Variants in TMEM63A observed in about 807,000 individuals in gnomAD.
TMEM63A encodes the protein mechanosensitive cation channel TMEM63A.
A neutral mutation model predicts 100.6 loss-of-function variants in TMEM63A; 76 were observed. That is an observed-to-expected ratio of 0.76 (90% CI 0.63 to 0.91). TMEM63A has a LOEUF of 0.91. TMEM63A is among the 40% of genes least tolerant of loss of function. The pLI, the probability that TMEM63A is intolerant of heterozygous loss-of-function variation, is 0.00. For synonymous variants in TMEM63A, 401 were observed against 401.1 expected (o/e 1.00, Z 0.00); for missense variants, 876 against 1,008.8 (o/e 0.87, Z 1.78).
chr1:225,870,995 T>C, intron 6 of TMEM63A, 81 bp downstream of exon 6: 1 of 1,428,526 alleles, frequency 7.0e-7, no homozygotes, highest in South Asian at 1.1e-5. Context: ...TCAAGCATCT[T>C]GGCTCTTGCC....
chr1:225,852,443 G>A lies in TMEM63A; in HGVS notation c.1903+221C>T, dbSNP rs1024563516. On this transcript the variant is annotated intron_variant, in intron 20 of 24. Transcript: ENST00000366835. ...GGGGGTTGCAGTAAGCCAAGATCAT[G>A]CCACTCCAGCCTGGGCATCAGCATG... Among the ~76,000 whole-genome samples, 3 of 152,186 alleles carry A rather than the reference G, an allele frequency of 2.0e-5. No homozygotes were observed. The South Asian group carries it at 6.2e-4, about 31-fold the overall frequency.
intron 9 of TMEM63A, 59 bp from the exon 10 acceptor site, chr1:225,866,026 C>A: frequency 1.3e-6 from 2 of 1,571,904 alleles, no homozygotes; most frequent in South Asian, 1.1e-5. Context: ...CCGGTATGCT[C>A]AGGTTTCCTA....
In TMEM63A at chr1:225,857,390, G is replaced by T. The variant is rs938270074; in HGVS notation, c.1378-373C>A. 7.0e-4 allele frequency among the ~76,000 whole-genome samples: 97 copies of T among 137,872 alleles called. 7 individuals are homozygous for T. The highest frequency in any genetic ancestry group is 2.3e-3 in the African/African-American group (83 of 36,554). 90.4% of individuals were successfully genotyped at this position (137,872 alleles called of 152,430 possible). A position where few individuals can be genotyped will look rare whatever the true frequency, so the allele number is the denominator to read the frequency against. On this transcript the variant is annotated intron_variant, in intron 15 of 24. Transcript: ENST00000366835. ...GGAGTCCTGGCCGGCGGGGCGGGGG[G>T]GGGGGGGTGCCCTGCCTGCTCAGCT... is the stretch of plus-strand genomic sequence containing the variant.
chr1:225,856,323 G>C (rs1310963344), intron 17 of TMEM63A, among the ~76,000 whole-genome samples: 1 of 134,274 alleles, frequency 7.4e-6, no homozygotes, highest in Non-Finnish European at 1.5e-5. Flanking sequence ...AAATTTTCAA[G>C]CTGGTTTTTT....
At chr1:225,871,727 G>T in intron 5 of TMEM63A, 1 of 462,932 alleles carries the variant, frequency 2.2e-6, no homozygotes, top group Non-Finnish European at 3.8e-6. Flanking sequence ...CAAAGCCATA[G>T]GTGTAAGAGA....
intron 1 of TMEM63A, among the ~76,000 whole-genome samples, chr1:225,881,709 C>T (rs1167236690): frequency 6.6e-6 from 1 of 152,224 alleles, no homozygotes; most frequent in African/African-American, 2.4e-5. Context: ...AAGGCCCCTC[C>T]AGGGCCTCAG....
At chr1:225,866,401 CTGTTTTT>C in intron 9 of TMEM63A, 166 bp downstream of exon 9, 1 of 600,694 alleles carries the variant, frequency 1.7e-6, no homozygotes, top group Non-Finnish European at 2.9e-6. Flanking sequence ...CACCAGGAAA[CTGTTTTT>C]TTTAAAGATG....
At chr1:225,854,250 T>G (rs1038426188) in intron 18 of TMEM63A, among the ~76,000 whole-genome samples, 2 of 152,170 alleles carry the variant, frequency 1.3e-5, no homozygotes, top group African/African-American at 4.8e-5. Context: ...CCTCGTCTGC[T>G]GCACATCCAG....
chr1:225,878,026 C>G (rs1041415843), intron 2 of TMEM63A, among the ~76,000 whole-genome samples: 6 of 152,114 alleles, frequency 3.9e-5, no homozygotes, highest in African/African-American at 1.2e-4. Context: ...CACACAAAGG[C>G]AGGAAGAGGA....
chr1:225,873,314 G>A (rs919802680), intron 4 of TMEM63A, among the ~76,000 whole-genome samples: 1 of 152,154 alleles, frequency 6.6e-6, no homozygotes, highest in East Asian at 1.9e-4. Flanking sequence ...AACAGTCCAA[G>A]GTCATCATCA....
intron 22 of TMEM63A, 45 bp downstream of exon 22, chr1:225,848,852 G>A (rs1222769016): frequency 1.2e-5 from 18 of 1,466,682 alleles, no homozygotes; most frequent in East Asian, 4.8e-5. Context: ...CCCACCATCT[G>A]TTCCTCCCAG....
At chr1:225,863,040 A>G (rs571365709) in intron 10 of TMEM63A, 189 bp from the exon 11 acceptor site, 2 of 612,488 alleles carry the variant, frequency 3.3e-6, no homozygotes. Context: ...ATTTAATACA[A>G]AGAGGGCTTT....
intron 2 of TMEM63A, among the ~76,000 whole-genome samples, chr1:225,878,670 G>GT (rs1272647737): frequency 6.6e-6 from 1 of 152,164 alleles, no homozygotes; most frequent in Non-Finnish European, 1.5e-5. Flanking sequence ...CCCAAATCTG[G>GT]TAAATCTAGA....
intron 4 of TMEM63A, among the ~76,000 whole-genome samples, chr1:225,872,618 A>G (rs1035240869): frequency 4.0e-5 from 6 of 151,030 alleles, no homozygotes; most frequent in Admixed American, 3.3e-4. Context: ...TCTTGCGAGT[A>G]CCCCCATAAA....
chr1:225,869,985 GT>G (rs1376875070), intron 6 of TMEM63A, among the ~76,000 whole-genome samples: 1 of 151,990 alleles, frequency 6.6e-6, no homozygotes, highest in Non-Finnish European at 1.5e-5. Context: ...CTGAAATGAG[GT>G]GTACGCTATC....
intron 3 of TMEM63A, among the ~76,000 whole-genome samples, chr1:225,876,325 C>G (rs924786832): frequency 1.3e-4 from 20 of 151,810 alleles, no homozygotes; most frequent in Admixed American, 1.3e-3. Flanking sequence ...CTACCCTAAG[C>G]CACCCTCCCC....
intron 6 of TMEM63A, among the ~76,000 whole-genome samples, chr1:225,869,169 GCCTCTGA>G (rs1670367922): frequency 6.6e-6 from 1 of 152,186 alleles, no homozygotes; most frequent in Non-Finnish European, 1.5e-5. Flanking sequence ...GAGCTTACCC[GCCTCTGA>G]CCTCGAGCAA....
At position 225,846,361 on chromosome 1, in the gene TMEM63A, G is replaced by C. The variant is rs1007139850; in HGVS notation, c.*578C>G. On this transcript the variant is annotated 3_prime_UTR_variant, in exon 25 of 25. Transcript: ENST00000366835. ...TCCCTGCCTGCTATGGGGTAACCCTGACCCAGCTAGCGTCCCTGACAACAT... is the reference window on the plus strand; with the variant it reads ...TCCCTGCCTGCTATGGGGTAACCCTCACCCAGCTAGCGTCCCTGACAACAT... 2.6e-5 allele frequency: 4 copies of C among 152,482 alleles called. No individual in the cohort carries two copies. The East Asian group carries it at 5.8e-4, about 22-fold the overall frequency. 9.4% of individuals were successfully genotyped at this position (152,482 alleles called of 1,614,324 possible). A position where few individuals can be genotyped will look rare whatever the true frequency, so the allele number is the denominator to read the frequency against.
downstream of TMEM63A, chr1:225,845,351 A>AC: frequency 6.7e-7 from 1 of 1,497,956 alleles, no homozygotes; most frequent in Non-Finnish European, 9.0e-7. Context: ...GCAATGACCC[A>AC]CCCCTCTCCC....
Sources: allele counts gnomAD v4.1 joint callset (sites outside exome capture counted in the v4.1 genomes callset), GRCh38; gene constraint gnomAD v4.1.1; transcripts MANE v1.5; gene names NCBI Gene and HGNC (gene_info 2026-07-23, HGNC 2026-07-21).